The following MYO18A variants were observed in gnomAD, a reference collection of about 807,000 sequenced individuals.
The protein encoded by MYO18A is unconventional myosin-XVIIIa.
In MYO18A, 78 loss-of-function variants were observed where a neutral mutation model predicts 235.8. The observed-to-expected ratio is 0.33, with a 90% confidence interval of 0.28 to 0.40. The LOEUF (loss-of-function observed/expected upper bound fraction) is 0.40. MYO18A is among the 10% of genes least tolerant of loss of function. The probability of loss-of-function intolerance (pLI) is 1.00; values close to 1 mark genes in which losing one functional copy is unlikely to be tolerated. For missense variants in MYO18A, 2,215 were observed against 2,699.3 expected (o/e 0.82, Z 3.98); for synonymous variants, 977 against 1,077.8 (o/e 0.91, Z 1.83).
At chr17:29,114,810 G>A (rs918674223) in intron 14 of MYO18A, 97 bp downstream of exon 14, 5 of 1,295,924 alleles carry the variant, frequency 3.9e-6, no homozygotes, top group Admixed American at 2.5e-5. Flanking sequence ...GGACAGAAAT[G>A]GAGAGTAAGG....
intron 2 of MYO18A, among the ~76,000 whole-genome samples, chr17:29,138,390 C>T (rs1365690141): frequency 6.6e-6 from 1 of 152,126 alleles, no homozygotes; most frequent in Non-Finnish European, 1.5e-5. Flanking sequence ...GACCAAGAGG[C>T]AGGGCATTCT....
chr17:29,088,492 A>T (rs1017449098), intron 37 of MYO18A, among the ~76,000 whole-genome samples: 2 of 151,872 alleles, frequency 1.3e-5, no homozygotes, highest in Admixed American at 6.6e-5. Context: ...TTCTATCCCT[A>T]CCTAAATGCC....
At chr17:29,175,939 A>T (rs561093062) in intron 1 of MYO18A, among the ~76,000 whole-genome samples, 5 of 152,112 alleles carry the variant, frequency 3.3e-5, no homozygotes, top group African/African-American at 1.2e-4. Flanking sequence ...GGCGCCTGTA[A>T]TCCCAGCTGC....
intron 2 of MYO18A, among the ~76,000 whole-genome samples, chr17:29,164,802 G>A (rs1598395379): frequency 6.6e-6 from 1 of 152,174 alleles, no homozygotes; most frequent in South Asian, 2.1e-4. Flanking sequence ...ATGGAGATCC[G>A]CTCCTCCATC....
At chr17:29,119,278 G>T in intron 8 of MYO18A, 57 bp downstream of exon 8, 1 of 1,352,842 alleles carries the variant, frequency 7.4e-7, no homozygotes, top group Non-Finnish European at 1.0e-6. Flanking sequence ...AGGTCCAGGA[G>T]CCCAGTCAGT....
intron 40 of MYO18A, among the ~76,000 whole-genome samples, chr17:29,085,023 A>G (rs981666457): frequency 6.6e-6 from 1 of 152,194 alleles, no homozygotes; most frequent in African/African-American, 2.4e-5. Flanking sequence ...AAGTAAACAC[A>G]TCTGGCTGTG....
chr17:29,094,473 G>A lies in MYO18A; in HGVS notation c.4710+177C>T, dbSNP rs1009204818. On this transcript the variant is annotated intron_variant, in intron 30 of 41. Transcript: ENST00000527372. ...TTTTTGTGGAAAGTTCCACGAGCGC[G>A]TCTTCACACTGTGGCTGGCACAGAT... is the stretch of plus-strand genomic sequence containing the variant. 1.8e-5 allele frequency: 12 copies of A among 672,864 alleles called. 1 individual carries two copies. The highest frequency in any genetic ancestry group is 7.5e-4 in the Middle Eastern group (2 of 2,682). The allele number at this position is 672,864 out of a possible 1,614,324, so 41.7% of individuals were successfully genotyped here. A position where few individuals can be genotyped will look rare whatever the true frequency, so the allele number is the denominator to read the frequency against.
intron 19 of MYO18A, among the ~76,000 whole-genome samples, chr17:29,108,969 C>A (rs960451926): frequency 1.3e-5 from 2 of 151,970 alleles, no homozygotes; most frequent in Non-Finnish European, 1.5e-5. Flanking sequence ...GACGTGGGGA[C>A]AGATCGATGA....
chr17:29,105,207 G>A (rs934302974), intron 20 of MYO18A, among the ~76,000 whole-genome samples: 1 of 150,496 alleles, frequency 6.6e-6, no homozygotes, highest in Non-Finnish European at 1.5e-5. Context: ...GAAAAGTGCC[G>A]GTTGGCTCTG....
At chr17:29,136,253 AT>A (rs1567623950) in intron 2 of MYO18A, among the ~76,000 whole-genome samples, 194 of 53,196 alleles carry the variant, frequency 3.6e-3, no homozygotes, top group South Asian at 0.013. Flanking sequence ...AAAAAAAAAT[AT>A]ATATATATAT....
rs2067095956 is a variant in MYO18A, at chr17:29,117,271, G to GC, written c.2038+773dup. Among the ~76,000 whole-genome samples the GC allele has an allele frequency of 6.6e-6, 1 of 152,202 alleles. No homozygotes were observed. Among genetic ancestry groups the GC allele is most frequent in the Non-Finnish European group, 1.5e-5 (1 of 68,030 alleles). On this transcript the variant is annotated intron_variant, in intron 10 of 41. Coordinates refer to ENST00000527372, the MANE Select transcript of MYO18A (RefSeq NM_078471.4). This position sits in a 1 kb window ranked among gnomAD's most constrained non-coding sequence, Gnocchi z 4.6. ...TCCAAGCCAGGCCAAGTCCCCGAGC[G>GC]CAAGTGCCAAAGCTGCAGCCCATTC...
chr17:29,075,156 C>T (rs1378303653), intron 41 of MYO18A: 22 of 452,852 alleles, frequency 4.9e-5, no homozygotes, highest in Non-Finnish European at 3.7e-5. Flanking sequence ...CGGACTCAAG[C>T]GTGCATAAGA....
At chr17:29,167,070 T>C (rs933214031) in intron 1 of MYO18A, 49 bp from the exon 2 acceptor site, 3 of 1,334,326 alleles carry the variant, frequency 2.2e-6, no homozygotes, top group Admixed American at 2.9e-5. Flanking sequence ...CAGAGCCTCA[T>C]GTGTCTCCAG....
intron 20 of MYO18A, among the ~76,000 whole-genome samples, chr17:29,105,804 C>T (rs1296306529): frequency 1.3e-5 from 2 of 152,000 alleles, no homozygotes; most frequent in Non-Finnish European, 2.9e-5. Context: ...GAGGGCCCAC[C>T]AAAGGCTGAA....
At chr17:29,159,230 C>T (rs969183886) in intron 2 of MYO18A, among the ~76,000 whole-genome samples, 1 of 152,114 alleles carries the variant, frequency 6.6e-6, no homozygotes, top group Non-Finnish European at 1.5e-5. Flanking sequence ...CTGCTTCGCC[C>T]TGACAGTCCC....
intron 1 of MYO18A, among the ~76,000 whole-genome samples, chr17:29,176,399 C>T (rs966340104): frequency 6.6e-6 from 1 of 152,010 alleles, no homozygotes. Flanking sequence ...AAAAAAAAAC[C>T]CAGGAAATGG....
At chr17:29,156,474 T>C (rs1042835863) in intron 2 of MYO18A, among the ~76,000 whole-genome samples, 2 of 152,132 alleles carry the variant, frequency 1.3e-5, no homozygotes, top group Non-Finnish European at 2.9e-5. Flanking sequence ...GCCCCAGGCA[T>C]GCAAGAAACA....
chr17:29,085,487 A>G, intron 40 of MYO18A, 117 bp downstream of exon 40: 1 of 846,726 alleles, frequency 1.2e-6, no homozygotes, highest in South Asian at 1.5e-5. Flanking sequence ...GTGAGGCGGG[A>G]GTGTGGGGAG....
At chr17:29,079,898 C>G in intron 41 of MYO18A, 2 of 985,930 alleles carry the variant, frequency 2.0e-6, no homozygotes, top group Non-Finnish European at 2.4e-6. Context: ...ACGGTCGAGC[C>G]GCTGGATGAC....
Sources: allele counts gnomAD v4.1 joint callset (sites outside exome capture counted in the v4.1 genomes callset), GRCh38; gene constraint gnomAD v4.1.1; non-coding constraint Gnocchi (gnomAD v3.1); transcripts MANE v1.5; gene names NCBI Gene and HGNC (gene_info 2026-07-23, HGNC 2026-07-21).